SNTG1: variants seen among roughly 807,000 people sequenced by gnomAD.
SNTG1 encodes the protein gamma-1-syntrophin.
SNTG1 carries 39 observed loss-of-function variants against 74.7 expected under a neutral mutation model. That is an observed-to-expected ratio of 0.52 (90% confidence interval 0.40 to 0.68). SNTG1 has a LOEUF of 0.68. Among genes scored for constraint, SNTG1 ranks in the 30% least tolerant of loss-of-function variants. SNTG1 has a pLI of 0.00. For missense variants in SNTG1, 685 were observed against 609.5 expected (o/e 1.12, Z -1.30); for synonymous variants, 254 against 217.1 (o/e 1.17, Z -1.49).
intron 1 of SNTG1, among the ~76,000 whole-genome samples, chr8:49,973,478 C>T (rs965426411): frequency 6.6e-6 from 1 of 150,574 alleles, no homozygotes; most frequent in Non-Finnish European, 1.5e-5. Context: ...CTAACCTGCA[C>T]GTTGTGCACA....
chr8:50,211,148 A>G (rs1563745995), intron 2 of SNTG1, among the ~76,000 whole-genome samples: 1 of 152,168 alleles, frequency 6.6e-6, no homozygotes, highest in Non-Finnish European at 1.5e-5. Flanking sequence ...GAGGCTGTGC[A>G]CAATGGATTT....
In SNTG1 at chr8:50,522,294, T is replaced by C. The variant is rs181372920; in HGVS notation, c.467-7883T>C. Reference sequence around the variant, plus strand: ...AGTGATTATTGGAAAGGAATGTGTTTTGATGTGTGTTTCAGGGTGTGTGTG... The same window carrying C: ...AGTGATTATTGGAAAGGAATGTGTTCTGATGTGTGTTTCAGGGTGTGTGTG... On this transcript the variant is annotated intron_variant, in intron 9 of 18. Transcript: ENST00000642720. Among the ~76,000 whole-genome samples the C allele has an allele frequency of 2.0e-3, 298 of 152,190 alleles. 1 individual carries two copies. Among genetic ancestry groups the C allele is most frequent in the African/African-American group, 6.9e-3 (288 of 41,542 alleles).
chr8:50,042,120 A>AT (rs1172213554), intron 1 of SNTG1, among the ~76,000 whole-genome samples: 2 of 152,090 alleles, frequency 1.3e-5, no homozygotes, highest in Admixed American at 6.6e-5. Context: ...TTTTCTTCTC[A>AT]TTTTTTTGGT....
chr8:50,517,616 CAAAAAAAAAAA>C (rs1161724778), intron 9 of SNTG1, among the ~76,000 whole-genome samples: 2 of 62,354 alleles, frequency 3.2e-5, no homozygotes, highest in African/African-American at 5.2e-5. Flanking sequence ...AAATGGAAAG[CAAAAAAAAAAA>C]AAAAAAAAAA....
chr8:50,203,653 G>A (rs1213388898), intron 2 of SNTG1, among the ~76,000 whole-genome samples: 1 of 151,964 alleles, frequency 6.6e-6, no homozygotes. Flanking sequence ...CATTTGTAAT[G>A]GTTCTGAGGA....
At chr8:50,013,675 T>A (rs1816042808) in intron 1 of SNTG1, among the ~76,000 whole-genome samples, 1 of 152,130 alleles carries the variant, frequency 6.6e-6, no homozygotes, top group African/African-American at 2.4e-5. Flanking sequence ...GTGATGCATA[T>A]AATTACGGTA....
intron 2 of SNTG1, among the ~76,000 whole-genome samples, chr8:50,292,317 G>A (rs754482919): frequency 2.0e-5 from 3 of 152,030 alleles, no homozygotes; most frequent in Non-Finnish European, 4.4e-5. Context: ...GGTAAGATAT[G>A]GAAAGAATGA....
intron 13 of SNTG1, among the ~76,000 whole-genome samples, chr8:50,631,652 G>A (rs924865952): frequency 1.6e-4 from 25 of 152,156 alleles, no homozygotes; most frequent in Non-Finnish European, 2.9e-4. Context: ...CCATTGATAG[G>A]ACAACTGTTG....
chr8:50,611,438 G>A (rs2094849161), intron 13 of SNTG1, among the ~76,000 whole-genome samples: 1 of 152,086 alleles, frequency 6.6e-6, no homozygotes, highest in Admixed American at 6.5e-5. Flanking sequence ...TAGATACACA[G>A]CATACTTCGT....
chr8:50,025,930 GC>G (rs1817227461), intron 1 of SNTG1, among the ~76,000 whole-genome samples: 2 of 152,286 alleles, frequency 1.3e-5, no homozygotes, highest in African/African-American at 4.8e-5. Context: ...ACATAAATGA[GC>G]TTGCATGCAG....
At chr8:50,637,044 T>C (rs1391399173) in intron 13 of SNTG1, among the ~76,000 whole-genome samples, 2 of 152,128 alleles carry the variant, frequency 1.3e-5, no homozygotes, top group African/African-American at 4.8e-5. Context: ...AAGAATAAAA[T>C]AGGGAAGCCT....
chr8:50,608,414 T>C lies in SNTG1; in HGVS notation c.849+17497T>C, dbSNP rs535904377. On this transcript the variant is annotated intron_variant, in intron 13 of 18. Transcript: ENST00000642720. ...CTTATATATTTATAACTGTTATGTA[T>C]TCAAAATATATTGACATTTGTGTCA... is the stretch of plus-strand genomic sequence containing the variant. Among the ~76,000 whole-genome samples, 5 of 151,974 alleles carry C rather than the reference T, an allele frequency of 3.3e-5. No individual in the cohort carries two copies. The South Asian group carries it at 1.0e-3, about 31-fold the overall frequency.
At chr8:49,930,298 A>T (rs1350641945) in intron 1 of SNTG1, among the ~76,000 whole-genome samples, 4 of 152,042 alleles carry the variant, frequency 2.6e-5, no homozygotes, top group African/African-American at 9.7e-5. Context: ...TTTTACATTT[A>T]TATCAGTGAG....
At chr8:50,188,264 C>G (rs1329922089) in intron 2 of SNTG1, among the ~76,000 whole-genome samples, 1 of 152,282 alleles carries the variant, frequency 6.6e-6, no homozygotes, top group South Asian at 2.1e-4. Context: ...GTGAACCATA[C>G]AGGCAAGCCA....
At chr8:50,564,285 A>C (rs924235472) in intron 12 of SNTG1, among the ~76,000 whole-genome samples, 12 of 152,092 alleles carry the variant, frequency 7.9e-5, no homozygotes, top group African/African-American at 2.4e-4. Flanking sequence ...TCATGAGCTC[A>C]AATATTTTTG....
intron 1 of SNTG1, among the ~76,000 whole-genome samples, chr8:50,052,135 T>C (rs1819629453): frequency 6.6e-6 from 1 of 152,044 alleles, no homozygotes; most frequent in Non-Finnish European, 1.5e-5. Context: ...GGATTCATAC[T>C]ATATTTCCTG....
At chr8:50,374,728 G>A (rs890662745) in intron 2 of SNTG1, among the ~76,000 whole-genome samples, 1 of 152,100 alleles carries the variant, frequency 6.6e-6, no homozygotes, top group African/African-American at 2.4e-5. Flanking sequence ...GAACTGCTCA[G>A]CATTTATGTG....
chr8:50,064,407 C>T (rs915505774), intron 1 of SNTG1, among the ~76,000 whole-genome samples: 1 of 152,154 alleles, frequency 6.6e-6, no homozygotes, highest in African/African-American at 2.4e-5. Flanking sequence ...TTCTGCTTAC[C>T]TTGATGGCTC....
At chr8:50,394,521 A>C (rs567215342) in intron 3 of SNTG1, among the ~76,000 whole-genome samples, 1 of 152,284 alleles carries the variant, frequency 6.6e-6, no homozygotes, top group South Asian at 2.1e-4. Flanking sequence ...CTCTTCACCA[A>C]CTCTGCACAT....
Sources: gnomAD v4.1 joint callset for allele counts (sites outside exome capture counted in the v4.1 genomes callset) on GRCh38, gnomAD v4.1.1 for gene constraint, MANE v1.5 for transcripts, NCBI Gene and HGNC (gene_info 2026-07-23, HGNC 2026-07-21) for gene names.